COL26A1: variants seen among roughly 807,000 people sequenced by gnomAD.
COL26A1 encodes collagen alpha-1(XXVI) chain.
Under a neutral mutation model 59.3 loss-of-function variants are expected in COL26A1, and 41 were observed. That is an observed-to-expected ratio of 0.69 (90% confidence interval 0.54 to 0.90). The LOEUF (loss-of-function observed/expected upper bound fraction) is 0.90, where lower values mean the gene tolerates loss of function less well. Ranked by LOEUF, COL26A1 falls within the 40% of genes least tolerant of loss-of-function variation. The pLI, the probability that COL26A1 is intolerant of heterozygous loss-of-function variation, is 0.00. For synonymous variants in COL26A1, 266 were observed against 256.0 expected (o/e 1.04, Z -0.37); for missense variants, 612 against 602.3 (o/e 1.02, Z -0.17).
chr7:101,472,604 T>C (rs148062223), intron 3 of COL26A1, among the ~76,000 whole-genome samples: 2 of 152,268 alleles, frequency 1.3e-5, no homozygotes, highest in African/African-American at 4.8e-5. Flanking sequence ...GTGAGGACCA[T>C]GTAGCTCAGG....
At chr7:101,379,582 C>G (rs1320110872) in intron 1 of COL26A1, among the ~76,000 whole-genome samples, 1 of 152,202 alleles carries the variant, frequency 6.6e-6, no homozygotes, top group African/African-American at 2.4e-5. Flanking sequence ...GCAGCTACAT[C>G]ATGAATACAG....
In COL26A1 at chr7:101,557,851, T is replaced by C. The variant is rs1490398240; in HGVS notation, c.*321T>C. 1 of 249,434 alleles carries C rather than the reference T, an allele frequency of 4.0e-6. No homozygotes were observed. Among genetic ancestry groups the C allele is most frequent in the Non-Finnish European group, 7.7e-6 (1 of 130,626 alleles). The allele number at this position is 249,434 out of a possible 1,614,324, so 15.5% of individuals were successfully genotyped here. On this transcript the variant is annotated 3_prime_UTR_variant, in exon 13 of 13. Coordinates refer to ENST00000313669, the MANE Select transcript of COL26A1 (RefSeq NM_001278563.3). ...ATTGAGTCCCTGCTGTAACTGGCCC[T>C]GTCCAGGGAACTTTCGTTACGTTGT...
At chr7:101,392,529 G>A (rs1186538144) in intron 1 of COL26A1, among the ~76,000 whole-genome samples, 3 of 150,924 alleles carry the variant, frequency 2.0e-5, no homozygotes, top group Non-Finnish European at 2.9e-5. Context: ...AGCCTCCTGA[G>A]TAGCTAGGAT....
intron 1 of COL26A1, among the ~76,000 whole-genome samples, chr7:101,369,364 G>A (rs978416806): frequency 1.3e-5 from 2 of 150,454 alleles, no homozygotes; most frequent in African/African-American, 4.9e-5. Context: ...CTGAGATCAC[G>A]TCACTGCACT....
At chr7:101,445,339 C>T (rs577699768) in intron 2 of COL26A1, among the ~76,000 whole-genome samples, 2 of 152,092 alleles carry the variant, frequency 1.3e-5, no homozygotes, top group South Asian at 2.1e-4. Flanking sequence ...TAATTTGGCT[C>T]ACAGTTCTGC....
chr7:101,476,140 A>T (rs1273819888), intron 3 of COL26A1, among the ~76,000 whole-genome samples: 1 of 126,104 alleles, frequency 7.9e-6, no homozygotes, highest in Non-Finnish European at 1.6e-5. Flanking sequence ...ACTCCCAGCT[A>T]ATTGTGTGTG....
At chr7:101,466,220 T>A (rs1262167752) in intron 3 of COL26A1, among the ~76,000 whole-genome samples, 2 of 152,084 alleles carry the variant, frequency 1.3e-5, no homozygotes, top group Non-Finnish European at 2.9e-5. Context: ...TGTCTGAACC[T>A]CCATTTGCTC....
intron 1 of COL26A1, among the ~76,000 whole-genome samples, chr7:101,400,470 T>C (rs867770737): frequency 2.7e-5 from 4 of 150,820 alleles, no homozygotes; most frequent in Admixed American, 2.0e-4. Flanking sequence ...CAAGTGATTG[T>C]CCTGCCTCAG....
intron 3 of COL26A1, among the ~76,000 whole-genome samples, chr7:101,466,827 TGTGTGTGTGTGA>T (rs994643566): frequency 2.8e-4 from 36 of 128,638 alleles, no homozygotes; most frequent in African/African-American, 7.5e-4. Context: ...TGTGTGTGTG[TGTGTGTGTGTGA>T]GAGAGAGAGA....
In COL26A1 at chr7:101,417,658, A is replaced by ATG. The variant is rs1327794059; in HGVS notation, c.159-2318_159-2317insGT. ...GATATATCTCTATATCTAGACATAG[A>ATG]TATAGAGATATATCTCTATATCTAG... On this transcript the variant is annotated intron_variant, in intron 1 of 12. Coordinates refer to ENST00000313669, the MANE Select transcript of COL26A1 (RefSeq NM_001278563.3). Among the ~76,000 whole-genome samples the ATG allele has an allele frequency of 1.7e-3, 74 of 44,426 alleles. 2 individuals carry two copies. The highest frequency in any genetic ancestry group is 2.8e-3 in the African/African-American group (73 of 25,692). 29.1% of individuals were successfully genotyped at this position (44,426 alleles called of 152,430 possible).
intron 3 of COL26A1, among the ~76,000 whole-genome samples, chr7:101,501,984 ACCT>A (rs1355405782): frequency 2.6e-5 from 4 of 151,890 alleles, no homozygotes; most frequent in Non-Finnish European, 5.9e-5. Flanking sequence ...TTCACCAGAC[ACCT>A]CCTCCAGGAA....
At chr7:101,470,697 C>T (rs1250378385) in intron 3 of COL26A1, among the ~76,000 whole-genome samples, 1 of 152,022 alleles carries the variant, frequency 6.6e-6, no homozygotes, top group Non-Finnish European at 1.5e-5. Flanking sequence ...GCTTACCAAC[C>T]TGGAAGCTCC....
At chr7:101,480,037 G>A (rs2130489701) in intron 3 of COL26A1, among the ~76,000 whole-genome samples, 1 of 152,204 alleles carries the variant, frequency 6.6e-6, no homozygotes, top group South Asian at 2.1e-4. Flanking sequence ...TTTCCAGACT[G>A]TTCTTGAACT....
chr7:101,421,148 A>G (rs1456526659), intron 2 of COL26A1, among the ~76,000 whole-genome samples: 2 of 152,114 alleles, frequency 1.3e-5, no homozygotes, highest in Non-Finnish European at 2.9e-5. Context: ...TGAAATGGTA[A>G]GGAATTGGCT....
intron 2 of COL26A1, among the ~76,000 whole-genome samples, chr7:101,421,535 C>G (rs1010833458): frequency 6.6e-6 from 1 of 151,774 alleles, no homozygotes; most frequent in Non-Finnish European, 1.5e-5. Context: ...ATTAGCCAGG[C>G]GTGGTGGTGG....
intron 11 of COL26A1, among the ~76,000 whole-genome samples, chr7:101,555,117 G>A (rs964694518): frequency 3.9e-5 from 6 of 152,150 alleles, no homozygotes; most frequent in Non-Finnish European, 5.9e-5. Context: ...TCACTTTTCA[G>A]AGTGGCCTCG....
At chr7:101,364,632 C>T (rs1454370701) in intron 1 of COL26A1, among the ~76,000 whole-genome samples, 1 of 151,062 alleles carries the variant, frequency 6.6e-6, no homozygotes, top group Non-Finnish European at 1.5e-5. Flanking sequence ...TGCAGTGGTG[C>T]GATCATAGCT....
intron 3 of COL26A1, among the ~76,000 whole-genome samples, chr7:101,532,146 G>A (rs558526083): frequency 1.7e-4 from 26 of 152,174 alleles, no homozygotes; most frequent in African/African-American, 6.3e-4. Flanking sequence ...CGGGCCTCGG[G>A]GGAGACAGAC....
intron 1 of COL26A1, among the ~76,000 whole-genome samples, chr7:101,384,846 C>T (rs961090955): frequency 1.3e-5 from 2 of 152,086 alleles, no homozygotes; most frequent in Admixed American, 6.6e-5. Context: ...CCAAAACCTC[C>T]AAAGTAAGGA....
Sources: allele counts gnomAD v4.1 joint callset (sites outside exome capture counted in the v4.1 genomes callset), GRCh38; gene constraint gnomAD v4.1.1; transcripts MANE v1.5; gene names NCBI Gene and HGNC (gene_info 2026-07-23, HGNC 2026-07-21).